The following SEMA6D variants were observed in gnomAD, a reference collection of about 807,000 sequenced individuals.
SEMA6D encodes the protein semaphorin-6D.
A neutral mutation model predicts 106.6 loss-of-function variants in SEMA6D; 35 were observed. The observed-to-expected ratio is 0.33, with a 90% CI of 0.25 to 0.44. SEMA6D has a LOEUF of 0.44. Among genes scored for constraint, SEMA6D ranks in the 20% least tolerant of loss-of-function variants. The pLI is 1.00. For missense variants in SEMA6D, 1,185 were observed against 1,345.9 expected, an observed-to-expected ratio of 0.88 and a Z score of 1.87; for synonymous variants, 499 against 487.7, an observed-to-expected ratio of 1.02 and a Z score of -0.31.
chr15:47,436,254 G>T (rs1451732993), intron 2 of SEMA6D, among the ~76,000 whole-genome samples: 1 of 151,968 alleles, frequency 6.6e-6, no homozygotes, highest in Admixed American at 6.6e-5. Flanking sequence ...GCTGGGTGTG[G>T]TGGCAGGCGC....
intron 1 of SEMA6D, among the ~76,000 whole-genome samples, chr15:47,751,887 G>T (rs1023565741): frequency 7.9e-5 from 12 of 152,166 alleles, no homozygotes; most frequent in Admixed American, 1.3e-4. Context: ...AAAAAATTAG[G>T]GGGACTTAAC....
chr15:47,326,296 G>T (rs547956354), intron 1 of SEMA6D, among the ~76,000 whole-genome samples: 56 of 152,110 alleles, frequency 3.7e-4, no homozygotes, highest in Non-Finnish European at 6.8e-4. Flanking sequence ...TTTACTTATG[G>T]CAATAATGAC....
chr15:47,312,773 T>C (rs1048157000), intron 1 of SEMA6D, among the ~76,000 whole-genome samples: 1 of 152,204 alleles, frequency 6.6e-6, no homozygotes, highest in African/African-American at 2.4e-5. Flanking sequence ...AAATGTATAC[T>C]CAGTATAAAA....
chr15:47,544,694 GA>G (rs1362612210), intron 3 of SEMA6D, among the ~76,000 whole-genome samples: 1 of 151,486 alleles, frequency 6.6e-6, no homozygotes, highest in African/African-American at 2.4e-5. Context: ...TTTGGAAATA[GA>G]GAGAAAAAGA....
chr15:47,439,466 A>G (rs1195236492), intron 2 of SEMA6D, among the ~76,000 whole-genome samples: 2 of 152,258 alleles, frequency 1.3e-5, no homozygotes, highest in South Asian at 2.1e-4. Context: ...TGCCAACACT[A>G]TAATTTTGAA....
chr15:47,659,485 GTAT>G (rs1224307887), intron 4 of SEMA6D, among the ~76,000 whole-genome samples: 1 of 151,776 alleles, frequency 6.6e-6, no homozygotes, highest in Non-Finnish European at 1.5e-5. Flanking sequence ...AAAAATTAAA[GTAT>G]TATAAGAATA....
intron 3 of SEMA6D, among the ~76,000 whole-genome samples, chr15:47,479,219 C>T (rs948619986): frequency 1.1e-4 from 17 of 151,352 alleles, no homozygotes; most frequent in Non-Finnish European, 5.9e-5. Context: ...GTTATATGCT[C>T]CTGGGGGACA....
At chr15:47,207,993 G>GCGCACACACACACACACACACACACA (rs1424944556) in intron 1 of SEMA6D, among the ~76,000 whole-genome samples, 2 of 89,396 alleles carry the variant, frequency 2.2e-5, no homozygotes, top group African/African-American at 8.2e-5. Flanking sequence ...TGGCGCGCGC[G>GCGCACACACACACACACACACACACA]CACACACACA....
intron 4 of SEMA6D, among the ~76,000 whole-genome samples, chr15:47,643,323 A>G (rs1353351833): frequency 3.9e-5 from 6 of 152,212 alleles, no homozygotes; most frequent in Admixed American, 3.9e-4. Flanking sequence ...GATGAACAGA[A>G]GAAAATATAT....
At chr15:47,481,244 G>A (rs189649411) in intron 3 of SEMA6D, among the ~76,000 whole-genome samples, 287 of 152,178 alleles carry the variant, frequency 1.9e-3, no homozygotes, top group African/African-American at 6.7e-3. Flanking sequence ...GAGGTGAGCA[G>A]CCACAAACTC....
At chr15:47,760,664 G>GA (rs3840835) in intron 3 of SEMA6D, among the ~76,000 whole-genome samples, 36 of 148,260 alleles carry the variant, frequency 2.4e-4, no homozygotes, top group East Asian at 5.9e-4. Context: ...AGCAGCAGGG[G>GA]AAAAAAAAAA....
chr15:47,723,617 A>G (rs2079552615), intron 1 of SEMA6D, among the ~76,000 whole-genome samples: 1 of 152,176 alleles, frequency 6.6e-6, no homozygotes, highest in South Asian at 2.1e-4. Context: ...GTTATGATGG[A>G]GGGAAAATCT....
At chr15:47,611,804 A>C (rs954867408) in intron 4 of SEMA6D, among the ~76,000 whole-genome samples, 1 of 152,224 alleles carries the variant, frequency 6.6e-6, no homozygotes, top group African/African-American at 2.4e-5. Flanking sequence ...TGATAAATCA[A>C]TGTCAAAAGT....
chr15:47,274,931 G>A (rs2034730809), intron 1 of SEMA6D: 1 of 152,166 alleles, frequency 6.6e-6, no homozygotes, highest in East Asian at 1.9e-4. Context: ...TTCTACAAAC[G>A]AACCTATGGA....
intron 4 of SEMA6D, among the ~76,000 whole-genome samples, chr15:47,698,669 A>C (rs1354292899): frequency 6.6e-6 from 1 of 152,244 alleles, no homozygotes; most frequent in East Asian, 1.9e-4. Context: ...TATAAAGTAG[A>C]AATACATGGC....
chr15:47,371,915 C>A (rs987885265), intron 1 of SEMA6D, among the ~76,000 whole-genome samples: 1 of 152,154 alleles, frequency 6.6e-6, no homozygotes, highest in Non-Finnish European at 1.5e-5. Context: ...ATACTTTCCC[C>A]GTTTATAGAT....
intron 4 of SEMA6D, among the ~76,000 whole-genome samples, chr15:47,665,469 A>G (rs1010291578): frequency 5.3e-5 from 8 of 152,166 alleles, no homozygotes; most frequent in Non-Finnish European, 1.0e-4. Context: ...GGTTAGAGAA[A>G]GGGCATGGGC....
intron 1 of SEMA6D, among the ~76,000 whole-genome samples, chr15:47,411,149 G>T (rs1403112022): frequency 4.6e-5 from 7 of 152,030 alleles, no homozygotes; most frequent in Non-Finnish European, 1.5e-5. Flanking sequence ...AGGCTGGAGT[G>T]CAGTGGCACA....
intron 4 of SEMA6D, among the ~76,000 whole-genome samples, chr15:47,656,072 G>A (rs553735696): frequency 6.6e-6 from 1 of 152,308 alleles, no homozygotes; most frequent in East Asian, 1.9e-4. Context: ...CTGACATACT[G>A]TCTAATGTTC....
Sources: allele counts gnomAD v4.1 joint callset (sites outside exome capture counted in the v4.1 genomes callset), GRCh38; gene constraint gnomAD v4.1.1; transcripts MANE v1.5; gene names NCBI Gene and HGNC (gene_info 2026-07-23, HGNC 2026-07-21).